NHSL2: variants seen among roughly 807,000 people sequenced by gnomAD.
NHSL2 encodes NHS like 2.
Under a neutral mutation model 53.4 loss-of-function variants are expected in NHSL2, and 27 were observed. The observed-to-expected ratio is 0.51, with a 90% CI of 0.37 to 0.70. NHSL2 has a LOEUF of 0.70. NHSL2 is among the 30% of genes least tolerant of loss of function. The probability of loss-of-function intolerance (pLI) is 0.00; values close to 1 mark genes in which losing one functional copy is unlikely to be tolerated. For missense variants in NHSL2, 892 were observed against 980.1 expected (o/e 0.91, Z 1.20); for synonymous variants, 408 against 404.1 (o/e 1.01, Z -0.12).
intron 1 of NHSL2, among the ~76,000 whole-genome samples, chrX:71,989,208 G>C (rs1437740141): frequency 1.8e-5 from 2 of 109,804 alleles, no homozygotes; most frequent in East Asian, 5.7e-4. Flanking sequence ...AATTAGCCGG[G>C]CGTGGTGGCA....
chrX:72,055,309 G>A (rs1276219105), intron 1 of NHSL2, among the ~76,000 whole-genome samples: 1 of 112,244 alleles, frequency 8.9e-6, no homozygotes, highest in African/African-American at 3.2e-5. Flanking sequence ...TCACTGGCAC[G>A]GTTGCCATGG....
intron 1 of NHSL2, among the ~76,000 whole-genome samples, chrX:71,913,242 C>G (rs955989308): frequency 3.6e-5 from 4 of 111,395 alleles, no homozygotes; most frequent in African/African-American, 1.3e-4. Flanking sequence ...TGGTCTAATG[C>G]CCTACCCTAG....
intron 1 of NHSL2, among the ~76,000 whole-genome samples, chrX:72,090,772 AGTGTGTGTGT>A (rs372070874): frequency 4.0e-4 from 38 of 94,027 alleles, no homozygotes; most frequent in African/African-American, 1.3e-3. Context: ...AGTGTATGTG[AGTGTGTGTGT>A]GTGTGTGTGT....
Position 72,093,462 on chromosome X carries a change from G to T in NHSL2, c.281-38617G>T, listed in dbSNP as rs746099549. On this transcript the variant is annotated intron_variant, in intron 1 of 7. Transcript: ENST00000633930. ...CACAAGCAGTTACCAGTCATTTCCT[G>T]AATACCTGGCCTTGTGCTGTGAGCA... is the stretch of plus-strand genomic sequence containing the variant. 6.2e-5 allele frequency among the ~76,000 whole-genome samples: 7 copies of T among 112,383 alleles called. No individual in the cohort carries two copies. In the South Asian group the frequency reaches 2.6e-3, roughly 41 times the overall value.
At chrX:71,949,184 A>G (rs920888119) in intron 1 of NHSL2, among the ~76,000 whole-genome samples, 1 of 111,527 alleles carries the variant, frequency 9.0e-6, no homozygotes, top group African/African-American at 3.3e-5. Flanking sequence ...GGCAGTTTTT[A>G]AAATTAAAAA....
In NHSL2 at chrX:72,040,300, C is replaced by T. The variant is rs143589303; in HGVS notation, c.281-91779C>T. On this transcript the variant is annotated intron_variant, in intron 1 of 7. Transcript: ENST00000633930. ...TTCCACATTTCATTTACCATACCCTCCCACTCTCTCACACACACATACTCT... is the reference window on the plus strand; with the variant it reads ...TTCCACATTTCATTTACCATACCCTTCCACTCTCTCACACACACATACTCT... Among the ~76,000 whole-genome samples, 185 of 112,123 alleles carry T rather than the reference C, an allele frequency of 1.6e-3. 2 individuals are homozygous for T. In the East Asian group the frequency reaches 0.047, roughly 29 times the overall value.
At chrX:72,085,834 CCCGTATGCTG>C (rs1395803952) in intron 1 of NHSL2, among the ~76,000 whole-genome samples, 1 of 108,366 alleles carries the variant, frequency 9.2e-6, no homozygotes, top group Non-Finnish European at 1.9e-5. Flanking sequence ...CTCCCTACCA[CCCGTATGCTG>C]CGCCCTCTCC....
At chrX:72,083,721 G>A (rs959482159) in intron 1 of NHSL2, among the ~76,000 whole-genome samples, 1 of 112,070 alleles carries the variant, frequency 8.9e-6, no homozygotes, top group African/African-American at 3.2e-5. Flanking sequence ...TAGAGAAAAA[G>A]ATTAAGTGAA....
chrX:72,114,550 T>A (rs1429993742), intron 1 of NHSL2, among the ~76,000 whole-genome samples: 1 of 111,588 alleles, frequency 9.0e-6, no homozygotes, highest in East Asian at 2.8e-4. Context: ...GGAAGCAGGA[T>A]TATGCAGAGG....
intron 1 of NHSL2, among the ~76,000 whole-genome samples, chrX:72,050,904 C>A (rs941724841): frequency 1.7e-4 from 18 of 107,404 alleles, no homozygotes; most frequent in East Asian, 5.9e-4. Flanking sequence ...AAAAAAAAAA[C>A]AAAACAAAAA....
At chrX:72,089,093 A>C (rs2041875102) in intron 1 of NHSL2, among the ~76,000 whole-genome samples, 1 of 111,194 alleles carries the variant, frequency 9.0e-6, no homozygotes, top group Admixed American at 9.6e-5. Flanking sequence ...GGTGTCCTAG[A>C]CTAGTCAGGA....
intron 1 of NHSL2, among the ~76,000 whole-genome samples, chrX:72,065,183 G>T (rs1213968652): frequency 4.5e-5 from 5 of 111,962 alleles, no homozygotes; most frequent in African/African-American, 1.6e-4. Flanking sequence ...AGCAAAGGAG[G>T]GCTGGGAGGA....
At chrX:72,137,480 T>C (rs1415725704) in intron 5 of NHSL2, among the ~76,000 whole-genome samples, 2 of 112,572 alleles carry the variant, frequency 1.8e-5, no homozygotes, top group African/African-American at 6.5e-5. Flanking sequence ...ATAAATGTAA[T>C]ACAACCAGAT....
At chrX:72,102,416 CCTG>C (rs956612880) in intron 1 of NHSL2, among the ~76,000 whole-genome samples, 2 of 111,722 alleles carry the variant, frequency 1.8e-5, no homozygotes, top group African/African-American at 6.5e-5. Flanking sequence ...AAGTCTCAAC[CCTG>C]CTATTTCCTG....
intron 1 of NHSL2, among the ~76,000 whole-genome samples, chrX:71,922,469 T>C (rs1335959686): frequency 1.8e-5 from 2 of 111,886 alleles, no homozygotes; most frequent in Admixed American, 1.9e-4. Flanking sequence ...ACCCCTATAG[T>C]TTGCCTCCCA....
intron 1 of NHSL2, among the ~76,000 whole-genome samples, chrX:72,089,951 C>T (rs1377043925): frequency 1.8e-5 from 2 of 112,011 alleles, no homozygotes; most frequent in Admixed American, 9.4e-5. Flanking sequence ...TCGAAGACTA[C>T]GCACAGTAAC....
chrX:72,058,694 T>A (rs2042383323), intron 1 of NHSL2, among the ~76,000 whole-genome samples: 1 of 112,407 alleles, frequency 8.9e-6, no homozygotes, highest in Admixed American at 9.4e-5. Context: ...CTCTTTATGA[T>A]CTGTTAGGAT....
intron 1 of NHSL2, among the ~76,000 whole-genome samples, chrX:72,055,218 A>G (rs895023434): frequency 8.1e-5 from 9 of 111,673 alleles, no homozygotes; most frequent in African/African-American, 2.9e-4. Flanking sequence ...GCATCTAAAC[A>G]CTCAGACTTG....
intron 1 of NHSL2, among the ~76,000 whole-genome samples, chrX:72,076,022 C>T (rs1204747545): frequency 9.0e-6 from 1 of 110,604 alleles, no homozygotes; most frequent in Non-Finnish European, 1.9e-5. Flanking sequence ...CAGCCTCTGC[C>T]TCCTGGGTTC....
Sources: allele counts gnomAD v4.1 joint callset (sites outside exome capture counted in the v4.1 genomes callset), GRCh38; gene constraint gnomAD v4.1.1; transcripts MANE v1.5; gene names NCBI Gene and HGNC (gene_info 2026-07-23, HGNC 2026-07-21).